The following MAGI2 variants were observed in gnomAD, a reference collection of about 807,000 sequenced individuals.
MAGI2 encodes the protein membrane-associated guanylate kinase, WW and PDZ domain-containing protein 2.
MAGI2 carries 35 observed loss-of-function variants against 133.3 expected under a neutral mutation model. That is an observed-to-expected ratio of 0.26 (90% CI 0.20 to 0.35). The LOEUF (loss-of-function observed/expected upper bound fraction) is 0.35. Ranked by LOEUF, MAGI2 falls within the 10% of genes least tolerant of loss-of-function variation. The probability of loss-of-function intolerance (pLI) is 1.00; values close to 1 mark genes in which losing one functional copy is unlikely to be tolerated. For missense variants in MAGI2, 1,636 were observed against 1,863.4 expected (o/e 0.88, Z 2.25); for synonymous variants, 729 against 710.6 (o/e 1.03, Z -0.41).
chr7:78,769,281 A>G (rs1238807146), intron 2 of MAGI2, among the ~76,000 whole-genome samples: 1 of 151,736 alleles, frequency 6.6e-6, no homozygotes, highest in Non-Finnish European at 1.5e-5. Flanking sequence ...TTAACCTGTC[A>G]GCCCTCCCGA....
intron 1 of MAGI2, among the ~76,000 whole-genome samples, chr7:79,015,524 CT>C (rs951920162): frequency 6.6e-6 from 1 of 152,124 alleles, no homozygotes; most frequent in African/African-American, 2.4e-5. Flanking sequence ...AAGAAATTCC[CT>C]GGCAAATCTC....
chr7:79,214,291 C>A (rs1210991108), intron 1 of MAGI2, among the ~76,000 whole-genome samples: 2 of 143,942 alleles, frequency 1.4e-5, no homozygotes, highest in East Asian at 2.2e-4. Context: ...AGTTTCACTG[C>A]CATTTTAAAT....
intron 10 of MAGI2, among the ~76,000 whole-genome samples, chr7:78,243,014 G>T (rs938167103): frequency 6.6e-6 from 1 of 152,130 alleles, no homozygotes; most frequent in Non-Finnish European, 1.5e-5. Context: ...CAAGGCAGCA[G>T]TGAACTGTGA....
chr7:78,291,575 C>A (rs888309133), intron 9 of MAGI2, among the ~76,000 whole-genome samples: 1 of 152,186 alleles, frequency 6.6e-6, no homozygotes, highest in Admixed American at 6.5e-5. Context: ...CTTCCTAACT[C>A]ATTTTATGAG....
At chr7:78,642,996 C>T (rs373861493) in intron 2 of MAGI2, among the ~76,000 whole-genome samples, 7 of 152,242 alleles carry the variant, frequency 4.6e-5, no homozygotes, top group African/African-American at 1.7e-4. Context: ...CACCACTTGG[C>T]ATTCAGATAG....
At position 79,125,558 on chromosome 7, in the gene MAGI2, A is replaced by G. The variant is rs567004400; in HGVS notation, c.302-118352T>C. On this transcript the variant is annotated intron_variant, in intron 1 of 21. Transcript: ENST00000354212. ...AGTGGCTATGGTGGGAGTGGCAGCTATAACAGCTGTATCAGTGGAGGAGGT... is the reference window on the plus strand; with the variant it reads ...AGTGGCTATGGTGGGAGTGGCAGCTGTAACAGCTGTATCAGTGGAGGAGGT... The G allele has an allele frequency of 1.2e-5, 6 of 507,276 alleles. No individual in the cohort carries two copies. In the East Asian group the frequency reaches 3.3e-4, roughly 28 times the overall value. The allele number at this position is 507,276 out of a possible 1,614,324, so 31.4% of individuals were successfully genotyped here.
At chr7:78,461,992 A>T (rs1449130520) in intron 6 of MAGI2, among the ~76,000 whole-genome samples, 2 of 151,026 alleles carry the variant, frequency 1.3e-5, no homozygotes. Flanking sequence ...ATGTAAAATT[A>T]AGTGATTATA....
At chr7:79,282,204 C>T (rs1374582114) in intron 1 of MAGI2, among the ~76,000 whole-genome samples, 2 of 152,138 alleles carry the variant, frequency 1.3e-5, no homozygotes, top group Non-Finnish European at 2.9e-5. Context: ...GTATATACAG[C>T]ACTTGTGAGG....
chr7:79,034,399 T>G (rs1384176814), intron 1 of MAGI2, among the ~76,000 whole-genome samples: 1 of 152,204 alleles, frequency 6.6e-6, no homozygotes, highest in Non-Finnish European at 1.5e-5. Context: ...AACTCCAATA[T>G]TTACCAAAAT....
intron 1 of MAGI2, among the ~76,000 whole-genome samples, chr7:79,109,735 A>G (rs945086231): frequency 2.0e-5 from 3 of 152,164 alleles, no homozygotes; most frequent in African/African-American, 7.2e-5. Context: ...CTGAGTGCCA[A>G]TAGCCAAGAA....
chr7:78,153,644 T>G (rs1007718753), intron 16 of MAGI2, among the ~76,000 whole-genome samples: 22 of 152,284 alleles, frequency 1.4e-4, no homozygotes, highest in African/African-American at 5.3e-4. Flanking sequence ...TAATCAAAGG[T>G]AAAAGTAATA....
chr7:78,132,225 A>G (rs1821632578), intron 18 of MAGI2, among the ~76,000 whole-genome samples: 1 of 152,166 alleles, frequency 6.6e-6, no homozygotes. Flanking sequence ...CTACCTCCAC[A>G]TCATCATCAT....
At chr7:78,848,089 A>G (rs969621513) in intron 2 of MAGI2, among the ~76,000 whole-genome samples, 2 of 152,004 alleles carry the variant, frequency 1.3e-5, no homozygotes, top group Middle Eastern at 3.4e-3. Context: ...AAGTACCTAG[A>G]GTCCTGACCT....
intron 6 of MAGI2, among the ~76,000 whole-genome samples, chr7:78,377,738 A>G (rs4730251): frequency 6.6e-6 from 1 of 151,372 alleles, no homozygotes; most frequent in Admixed American, 6.6e-5. Context: ...GTGCTCATGA[A>G]CTAAAAAATG....
chr7:79,327,547 A>G (rs1839785261), intron 1 of MAGI2, among the ~76,000 whole-genome samples: 1 of 152,168 alleles, frequency 6.6e-6, no homozygotes, highest in Admixed American at 6.6e-5. Context: ...AAATAAAATC[A>G]TGACAGGATT....
At chr7:79,242,556 G>A (rs1232574906) in intron 1 of MAGI2, among the ~76,000 whole-genome samples, 5 of 152,048 alleles carry the variant, frequency 3.3e-5, no homozygotes, top group Non-Finnish European at 7.4e-5. Context: ...TTTATTTGTG[G>A]ATAAACACTT....
At chr7:78,536,148 T>A (rs1265712155) in intron 3 of MAGI2, among the ~76,000 whole-genome samples, 15 of 122,270 alleles carry the variant, frequency 1.2e-4, no homozygotes, top group Non-Finnish European at 2.3e-4. Context: ...AGTCTCGCTC[T>A]GTCGCCCAGG....
At chr7:78,341,825 A>G (rs1269588196) in intron 9 of MAGI2, among the ~76,000 whole-genome samples, 1 of 152,234 alleles carries the variant, frequency 6.6e-6, no homozygotes, top group African/African-American at 2.4e-5. Context: ...TGGATTAAAG[A>G]CTTAAATGTA....
At chr7:78,258,473 G>A (rs1362727001) in intron 9 of MAGI2, among the ~76,000 whole-genome samples, 1 of 152,042 alleles carries the variant, frequency 6.6e-6, no homozygotes, top group Non-Finnish European at 1.5e-5. Flanking sequence ...CATATTAGTT[G>A]AATCCCCCTT....
Sources: allele counts gnomAD v4.1 joint callset (sites outside exome capture counted in the v4.1 genomes callset), GRCh38; gene constraint gnomAD v4.1.1; transcripts MANE v1.5; gene names NCBI Gene and HGNC (gene_info 2026-07-23, HGNC 2026-07-21).